Variants in SPDYC observed in about 807,000 individuals in gnomAD.
SPDYC encodes speedy protein C.
In SPDYC, 25 loss-of-function variants were observed where a neutral mutation model predicts 33.9. That is an observed-to-expected ratio of 0.74 (90% CI 0.54 to 1.03). The LOEUF is 1.03. Ranked by LOEUF, SPDYC falls within the 50% of genes least tolerant of loss-of-function variation. SPDYC has a pLI of 0.00. For synonymous variants in SPDYC, 133 were observed against 140.2 expected (o/e 0.95, Z 0.36); for missense variants, 349 against 382.9 (o/e 0.91, Z 0.74).
At chr11:65,172,453 G>A (rs1948447013) in exon 5 of SPDYC, 4 of 1,598,890 alleles carry the variant, frequency 2.5e-6, no homozygotes, top group Non-Finnish European at 1.7e-6. Flanking sequence ...AAACGACATG[G>A]AGGAGGACCT....
chr11:65,171,858 G>A (rs935051148), intron 2 of SPDYC, 85 bp from the exon 3 acceptor site: 11 of 1,194,948 alleles, frequency 9.2e-6, no homozygotes, highest in Middle Eastern at 1.9e-4. Context: ...GTTCAGTGGT[G>A]GCTTGGGCTT....
chr11:65,172,414 CCTT>C lies in SPDYC; in HGVS notation c.345-19_345-17del. The C allele has an allele frequency of 6.2e-7, 1 of 1,609,752 alleles. No homozygotes were observed. The highest frequency in any genetic ancestry group is 8.5e-7 in the Non-Finnish European group (1 of 1,176,420). On this transcript the variant is annotated splice_polypyrimidine_tract_variant and intron_variant, in intron 4 of 6. Coordinates refer to ENST00000377185, the Ensembl canonical transcript of SPDYC. Reference sequence around the variant, plus strand: ...CAGATGTGTGGCCTCTGCTCCCTGACCTTGTGCCTCTGTGGCTAGGTACCTTGC... The same window carrying C: ...CAGATGTGTGGCCTCTGCTCCCTGACGTGCCTCTGTGGCTAGGTACCTTGC...
At chr11:65,172,118 C>G in intron 3 of SPDYC, 117 bp downstream of exon 3, 1 of 1,479,398 alleles carries the variant, frequency 6.8e-7, no homozygotes, top group Non-Finnish European at 9.4e-7. Context: ...CATCTTTGCA[C>G]ACCACTTCCC....
At position 65,171,514 on chromosome 11, in the gene SPDYC, C is replaced by G; in HGVS notation, c.199+15C>G. Reference sequence around the variant, plus strand: ...CAGCCTTCTGGGTGAGTTTGGAGGGCTGGCACGGGAGGGGCCGTGAGGTCA... The same window carrying G: ...CAGCCTTCTGGGTGAGTTTGGAGGGGTGGCACGGGAGGGGCCGTGAGGTCA... On this transcript the variant is annotated intron_variant, in intron 2 of 6. Coordinates refer to ENST00000377185, the Ensembl canonical transcript of SPDYC. The G allele has an allele frequency of 6.5e-7, 1 of 1,542,746 alleles. No homozygotes were observed. The highest frequency in any genetic ancestry group is 8.7e-7 in the Non-Finnish European group (1 of 1,146,828).
chr11:65,173,280 C>G (rs1022430098), downstream of SPDYC: 1 of 1,569,768 alleles, frequency 6.4e-7, no homozygotes, highest in African/African-American at 1.4e-5. Flanking sequence ...ATTGGCTGTG[C>G]TCCCACCCCT....
intron 1 of SPDYC, 70 bp from the exon 2 acceptor site, chr11:65,171,255 CCT>C (rs1414574652): frequency 2.6e-6 from 4 of 1,525,108 alleles, no homozygotes; most frequent in African/African-American, 2.8e-5. Flanking sequence ...CGTCCTGGCC[CCT>C]GTCACCACCC....
intron 1 of SPDYC, 96 bp downstream of exon 1, chr11:65,170,357 G>A: frequency 3.1e-6 from 4 of 1,284,324 alleles, no homozygotes; most frequent in Non-Finnish European, 4.1e-6. Flanking sequence ...CGTTCTCCTC[G>A]GCCCCGTGGT....
exon 2 of SPDYC, chr11:65,171,482 C>T: frequency 1.3e-6 from 2 of 1,578,466 alleles, no homozygotes; most frequent in Non-Finnish European, 1.7e-6. Context: ...GAGGTCCAGG[C>T]CTTCCTCAGC....
At chr11:65,173,215 T>C (rs1948461080) in exon 7 of SPDYC, 1 of 1,613,904 alleles carries the variant, frequency 6.2e-7, no homozygotes, top group Non-Finnish European at 8.5e-7. Context: ...CCCTGGGCAC[T>C]GAAGCTCTGC....
At chr11:65,173,341 C>A, downstream of SPDYC, 1 of 1,180,536 alleles carries the variant, frequency 8.5e-7, no homozygotes, top group Non-Finnish European at 1.2e-6. Flanking sequence ...CCAGTCCCCT[C>A]TAATAAATTC....
intron 2 of SPDYC, 70 bp downstream of exon 2, chr11:65,171,569 C>A: frequency 7.1e-7 from 1 of 1,418,274 alleles, no homozygotes; most frequent in South Asian, 1.5e-5. Context: ...AGTGTGGGGT[C>A]TCACCTGCCT....
At chr11:65,170,380 C>T (rs1434886450) in intron 1 of SPDYC, 119 bp downstream of exon 1, 1 of 1,030,490 alleles carries the variant, frequency 9.7e-7, no homozygotes, top group East Asian at 3.0e-5. Context: ...GCTTCTCTCT[C>T]TCAGGGATGA....
exon 6 of SPDYC, chr11:65,172,906 C>T: frequency 6.2e-7 from 1 of 1,614,148 alleles, no homozygotes. Flanking sequence ...ATGTCATCGC[C>T]CTCCCTCCCA....
intron 1 of SPDYC, 134 bp downstream of exon 1, chr11:65,170,395 G>A: frequency 1.2e-6 from 1 of 854,764 alleles, no homozygotes; most frequent in Non-Finnish European, 1.6e-6. Flanking sequence ...GGATGAGGGT[G>A]GGTTTAGGAC....
exon 5 of SPDYC, chr11:65,172,445 A>T: frequency 4.4e-6 from 7 of 1,601,276 alleles, no homozygotes; most frequent in African/African-American, 2.7e-5. Context: ...TACCTTGCAA[A>T]CGACATGGAG....
exon 6 of SPDYC, chr11:65,172,701 ATTCCAC>A: frequency 6.2e-7 from 1 of 1,607,508 alleles, no homozygotes; most frequent in Non-Finnish European, 8.5e-7. Context: ...CAAAGGAGCC[ATTCCAC>A]TGGGCTTGGA....
chr11:65,171,918 C>A, intron 2 of SPDYC, 25 bp from the exon 3 acceptor site: 1 of 1,612,324 alleles, frequency 6.2e-7, no homozygotes, highest in African/African-American at 1.3e-5. Context: ...TAACCTGCGT[C>A]CTGTCATGTC....
chr11:65,172,219 AC>A, intron 3 of SPDYC, 26 bp from the exon 4 acceptor site: 1 of 1,611,868 alleles, frequency 6.2e-7, no homozygotes, highest in East Asian at 2.2e-5. Flanking sequence ...AGAATAACTA[AC>A]CCCCCACCCC....
intron 2 of SPDYC, 35 bp from the exon 3 acceptor site, chr11:65,171,907 GT>G (rs748011359): frequency 9.4e-6 from 15 of 1,602,980 alleles, no homozygotes; most frequent in African/African-American, 1.3e-5. Flanking sequence ...GGAGGTGGTG[GT>G]AACCTGCGTC....
Sources: allele counts gnomAD v4.1 joint callset, GRCh38; gene constraint gnomAD v4.1.1; transcripts MANE v1.5; gene names NCBI Gene and HGNC (gene_info 2026-07-23, HGNC 2026-07-21).